CDKL2: variants seen among roughly 807,000 people sequenced by gnomAD.
CDKL2 encodes the protein cyclin dependent kinase like 2.
A neutral mutation model predicts 63.9 loss-of-function variants in CDKL2; 64 were observed. The ratio of observed to expected loss-of-function variants is 1.00; its 90% CI spans 0.82 to 1.23. The LOEUF (loss-of-function observed/expected upper bound fraction) is 1.23. CDKL2 is among the 50% of genes most tolerant of loss of function. The probability of loss-of-function intolerance (pLI) is 0.00; values close to 1 mark genes in which losing one functional copy is unlikely to be tolerated. For synonymous variants in CDKL2, 211 were observed against 229.2 expected (o/e 0.92, Z 0.72); for missense variants, 656 against 668.0 (o/e 0.98, Z 0.20).
chr4:75,598,046 T>G, intron 8 of CDKL2, 31 bp downstream of exon 8: 1 of 1,374,988 alleles, frequency 7.3e-7, no homozygotes, highest in Non-Finnish European at 9.8e-7. Flanking sequence ...ATAAGTATAT[T>G]AAATCTAAAA....
chr4:75,595,704 G>A (rs1407388726), intron 10 of CDKL2, among the ~76,000 whole-genome samples: 3 of 152,106 alleles, frequency 2.0e-5, no homozygotes, highest in Non-Finnish European at 2.9e-5. Flanking sequence ...GGCCAAGGCA[G>A]GTGGATCACG....
At chr4:75,626,782 T>C (rs1041621462) in intron 1 of CDKL2, among the ~76,000 whole-genome samples, 1 of 152,044 alleles carries the variant, frequency 6.6e-6, no homozygotes, top group East Asian at 1.9e-4. Context: ...TCCCAGCTAC[T>C]TGGGAGGCTG....
intron 4 of CDKL2, among the ~76,000 whole-genome samples, chr4:75,605,980 A>G (rs1729410262): frequency 6.6e-6 from 1 of 152,200 alleles, no homozygotes; most frequent in South Asian, 2.1e-4. Flanking sequence ...ATCATGTGAC[A>G]TAAAAGGGAA....
Position 75,597,029 on chromosome 4 carries a change from C to T in CDKL2, c.1228G>A (p.Val410Met), listed in dbSNP as rs150511430. Reference protein sequence around the residue: ...VSVDHTRNPSVAIPPLTHNLS... With the variant: ...VSVDHTRNPSMAIPPLTHNLS... ...TTGTGTGTAAGTGGGGGAATTGCCA[C>T]GCTTGGATTCCTTGTGTGGTCCACG... The change falls in exon 9 of 14, where the codon GTG (valine) becomes ATG (methionine). Residue 410 changes from valine to methionine, a missense_variant. By Grantham distance (21) the Val-to-Met change is conservative (BLOSUM62 1). Transcript: ENST00000307465. 160 of 1,614,060 alleles carry T rather than the reference C, an allele frequency of 9.9e-5. No individual in the cohort carries two copies. Among genetic ancestry groups the T allele is most frequent in the Non-Finnish European group, 1.1e-4 (133 of 1,180,020 alleles).
intron 4 of CDKL2, 149 bp from the exon 5 acceptor site, chr4:75,605,783 T>C (rs1428857368): frequency 2.0e-6 from 1 of 488,380 alleles, no homozygotes; most frequent in Admixed American, 3.9e-5. Context: ...TCCAATGGTA[T>C]AATGCAAATA....
chr4:75,614,135 T>C (rs1729823542), intron 3 of CDKL2, 120 bp downstream of exon 3: 2 of 598,728 alleles, frequency 3.3e-6, no homozygotes, highest in Non-Finnish European at 5.8e-6. Flanking sequence ...AGATGAAGTA[T>C]TTAGTGTTAA....
chr4:75,607,759 G>A (rs146171569), intron 3 of CDKL2, among the ~76,000 whole-genome samples: 1 of 152,260 alleles, frequency 6.6e-6, no homozygotes, highest in East Asian at 1.9e-4. Context: ...CAGCCCAAGT[G>A]AATGTAACAA....
intron 2 of CDKL2, among the ~76,000 whole-genome samples, chr4:75,624,706 A>T (rs904831229): frequency 6.6e-6 from 1 of 151,736 alleles, no homozygotes; most frequent in African/African-American, 2.4e-5. Flanking sequence ...AAAAAAAAAA[A>T]AATTATCCAG....
intron 5 of CDKL2, among the ~76,000 whole-genome samples, chr4:75,604,196 C>T (rs189410867): frequency 1.3e-4 from 20 of 152,318 alleles, no homozygotes; most frequent in Admixed American, 1.2e-3. Context: ...AGTACCAGCA[C>T]TTCGTTTCTA....
At chr4:75,628,525 T>G (rs1428816231) in intron 1 of CDKL2, among the ~76,000 whole-genome samples, 2 of 152,212 alleles carry the variant, frequency 1.3e-5, no homozygotes, top group East Asian at 3.8e-4. Context: ...TTGGACAAAA[T>G]GCTTTCGTAC....
At chr4:75,596,814 G>A (rs1043373663) in intron 9 of CDKL2, 121 bp downstream of exon 9, 7 of 836,972 alleles carry the variant, frequency 8.4e-6, no homozygotes, top group Non-Finnish European at 5.5e-6. Context: ...ACAGCTACCT[G>A]ACAAGAATGA....
chr4:75,626,433 A>G (rs1051129567), intron 1 of CDKL2, among the ~76,000 whole-genome samples: 12 of 152,030 alleles, frequency 7.9e-5, no homozygotes, highest in East Asian at 1.9e-4. Context: ...TTGGGAGGCC[A>G]AGGTGGGCGG....
At chr4:75,589,550 C>T (rs1284369435) in intron 12 of CDKL2, among the ~76,000 whole-genome samples, 3 of 151,636 alleles carry the variant, frequency 2.0e-5, no homozygotes, top group East Asian at 3.9e-4. Flanking sequence ...GTGATCCGCC[C>T]GCCTCGGCCT....
At position 75,581,805 on chromosome 4, in the gene CDKL2, C is replaced by T; in HGVS notation, c.*23+5G>A. 1.3e-6 allele frequency: 2 copies of T among 1,540,254 alleles called. No individual in the cohort carries two copies. Among genetic ancestry groups the T allele is most frequent in the Non-Finnish European group, 1.8e-6 (2 of 1,114,792 alleles). On this transcript the variant is annotated splice_donor_5th_base_variant and intron_variant, in intron 13 of 13. Coordinates refer to ENST00000307465, the MANE Select transcript of CDKL2 (RefSeq NM_001330724.2). ...ACAGCTTTAAGTATGGGAAATCACA[C>T]CTACCCAGTTCAGAACCAAAATGGT...
At chr4:75,614,220 T>C (rs778227556) in intron 3 of CDKL2, 35 bp downstream of exon 3, 14 of 1,333,220 alleles carry the variant, frequency 1.1e-5, no homozygotes, top group African/African-American at 1.5e-5. Context: ...TGAATAAATA[T>C]GTGATAAAGC....
At chr4:75,609,419 A>G (rs1020065692) in intron 3 of CDKL2, among the ~76,000 whole-genome samples, 2 of 151,608 alleles carry the variant, frequency 1.3e-5, no homozygotes, top group African/African-American at 4.8e-5. Context: ...AGCCTGGCCA[A>G]CATGGTGAAA....
At chr4:75,601,204 C>T (rs1236278404) in intron 6 of CDKL2, among the ~76,000 whole-genome samples, 2 of 151,916 alleles carry the variant, frequency 1.3e-5, no homozygotes, top group Non-Finnish European at 2.9e-5. Context: ...CTTTAAACAT[C>T]AATTAGATAT....
intron 2 of CDKL2, among the ~76,000 whole-genome samples, chr4:75,620,764 G>T (rs1460258519): frequency 6.6e-6 from 1 of 152,074 alleles, no homozygotes; most frequent in Non-Finnish European, 1.5e-5. Context: ...AGTGATTGAC[G>T]TTCAGGGGCC....
At chr4:75,621,611 CCA>C (rs1730162086) in intron 2 of CDKL2, among the ~76,000 whole-genome samples, 1 of 151,902 alleles carries the variant, frequency 6.6e-6, no homozygotes, top group Non-Finnish European at 1.5e-5. Context: ...TCATAGCACA[CCA>C]CAGTCTCAAA....
Sources: gnomAD v4.1 joint callset for allele counts (sites outside exome capture counted in the v4.1 genomes callset) on GRCh38, gnomAD v4.1.1 for gene constraint, MANE v1.5 for transcripts, NCBI Gene and HGNC (gene_info 2026-07-23, HGNC 2026-07-21) for gene names.